The following TG variants were observed in gnomAD, a reference collection of about 807,000 sequenced individuals.
The protein encoded by TG is thyroglobulin, also known as thyroid hormones.
TG carries 270 observed loss-of-function variants against 324.7 expected under a neutral mutation model. The observed-to-expected ratio is 0.83, with a 90% CI of 0.75 to 0.92. The LOEUF is 0.92. Among genes scored for constraint, TG ranks in the 40% least tolerant of loss-of-function variants. The pLI is 0.00. For synonymous variants in TG, 1,401 were observed against 1,327.0 expected, an observed-to-expected ratio of 1.06 and a Z score of -1.21; for missense variants, 3,591 against 3,456.4, an observed-to-expected ratio of 1.04 and a Z score of -0.98.
At chr8:132,941,257 C>T in intron 25 of TG, 94 bp from the exon 26 acceptor site, 2 of 1,474,000 alleles carry the variant, frequency 1.4e-6, no homozygotes, top group Non-Finnish European at 1.9e-6. Context: ...ACTGTTGCAG[C>T]TAAGTCAACA....
At chr8:133,047,978 C>G in intron 41 of TG, 1 of 1,268,878 alleles carries the variant, frequency 7.9e-7, no homozygotes, top group East Asian at 2.3e-5. Context: ...ACAAGCCCTC[C>G]CCCAGGAAAG....
intron 41 of TG, among the ~76,000 whole-genome samples, chr8:133,031,624 T>A (rs1245221574): frequency 6.6e-6 from 1 of 152,192 alleles, no homozygotes; most frequent in East Asian, 1.9e-4. Context: ...CCCAACCTTT[T>A]AGGGATCCAA....
chr8:132,938,033 A>G (rs1468600100), intron 25 of TG, among the ~76,000 whole-genome samples: 3 of 151,714 alleles, frequency 2.0e-5, no homozygotes, highest in Admixed American at 1.3e-4. Flanking sequence ...CTGGCTTCCA[A>G]CTCCCGCCTC....
intron 18 of TG, among the ~76,000 whole-genome samples, chr8:132,910,217 G>A (rs1338746221): frequency 1.3e-5 from 2 of 152,160 alleles, no homozygotes; most frequent in African/African-American, 4.8e-5. Flanking sequence ...CTACATTCAG[G>A]CTTCATATGC....
chr8:132,983,549 C>A, intron 35 of TG, 137 bp downstream of exon 35: 1 of 898,342 alleles, frequency 1.1e-6, no homozygotes. Flanking sequence ...ATGAATTAAA[C>A]ACATGTATAA....
intron 47 of TG, 58 bp from the exon 48 acceptor site, chr8:133,134,618 C>T: frequency 6.9e-7 from 1 of 1,455,596 alleles, no homozygotes; most frequent in Non-Finnish European, 9.6e-7. Flanking sequence ...AAGGAAGGGA[C>T]CAGAGAAGAG....
At position 133,096,250 on chromosome 8, in the gene TG, C is replaced by T. The variant is rs115806626; in HGVS notation, c.7449C>T (p.Ile2483=). Reference sequence around the variant, plus strand: ...CTTTCCACTACTGGGGTCCTGTGATCGATGGCCACTTCCTCCGTGAGCCTC... The same window carrying T: ...CTTTCCACTACTGGGGTCCTGTGATTGATGGCCACTTCCTCCGTGAGCCTC... ...SGPFHYWGPV[I]DGHFLREPPA... The change falls in exon 43 of 48, where the codon ATC becomes ATT. Residue 2483 remains isoleucine (I), a synonymous_variant. Coordinates refer to ENST00000220616, the MANE Select transcript of TG (RefSeq NM_003235.5). 2.9e-4 allele frequency: 466 copies of T among 1,614,202 alleles called. 1 individual carries two copies. In the African/African-American group the frequency reaches 4.8e-3, roughly 17 times the overall value.
At chr8:132,983,068 G>C (rs903665202) in intron 34 of TG, among the ~76,000 whole-genome samples, 1 of 152,092 alleles carries the variant, frequency 6.6e-6, no homozygotes, top group Non-Finnish European at 1.5e-5. Flanking sequence ...TTTTCAGCTT[G>C]GTCCTTGAGA....
intron 25 of TG, 29 bp downstream of exon 25, chr8:132,935,893 C>T: frequency 1.9e-6 from 3 of 1,570,830 alleles, no homozygotes; most frequent in Non-Finnish European, 2.6e-6. Context: ...TTGGCTTAGG[C>T]CCGCGGTGGC....
At chr8:132,907,482 A>G (rs1005572798) in intron 17 of TG, among the ~76,000 whole-genome samples, 3 of 152,002 alleles carry the variant, frequency 2.0e-5, no homozygotes, top group Non-Finnish European at 2.9e-5. Flanking sequence ...CCACTCTGGG[A>G]CCTGGCACTT....
At chr8:132,904,691 T>C (rs1416239402) in intron 16 of TG, among the ~76,000 whole-genome samples, 2 of 152,066 alleles carry the variant, frequency 1.3e-5, no homozygotes, top group African/African-American at 2.4e-5. Flanking sequence ...AAAACCCCTT[T>C]CTAGCCGAAT....
In TG at chr8:132,941,437, T is replaced by A. The variant is rs1824426197; in HGVS notation, c.5128T>A (p.Phe1710Ile). The change falls in exon 26 of 48, where the codon TTC becomes ATC. Residue 1710 changes from phenylalanine (F) to isoleucine (I), a missense_variant. Phe to Ile is a conservative substitution (Grantham distance 21). Transcript: ENST00000220616. ...TTCTGGATTGTACAACCCCATTGTG[T>A]TCTCAGCCTCAGGAGCCAATCTAAC... ...MLSGLYNPIV[F>I]SASGANLTDA... 1 of 1,614,248 alleles carries A rather than the reference T, an allele frequency of 6.2e-7. No individual in the cohort carries two copies. The highest frequency in any genetic ancestry group is 1.3e-5 in the African/African-American group (1 of 75,068).
chr8:132,950,474 A>G (rs1825949642), intron 27 of TG, among the ~76,000 whole-genome samples: 1 of 152,142 alleles, frequency 6.6e-6, no homozygotes, highest in Non-Finnish European at 1.5e-5. Context: ...TATATCCTGC[A>G]TTTCTCAGGG....
chr8:132,879,944 G>T (rs1317501152), intron 5 of TG, among the ~76,000 whole-genome samples: 1 of 152,230 alleles, frequency 6.6e-6, no homozygotes, highest in Non-Finnish European at 1.5e-5. Context: ...AGCGAAGCAT[G>T]GAACTAGAGT....
intron 34 of TG, among the ~76,000 whole-genome samples, chr8:132,974,471 C>T (rs1829952327): frequency 6.6e-6 from 1 of 152,308 alleles, no homozygotes; most frequent in Admixed American, 6.5e-5. Flanking sequence ...GGTGAGAAGA[C>T]TGCAGCGTAG....
intron 45 of TG, among the ~76,000 whole-genome samples, chr8:133,118,115 A>G (rs1850845261): frequency 6.6e-6 from 1 of 152,056 alleles, no homozygotes; most frequent in African/African-American, 2.4e-5. Flanking sequence ...GGCCACCTCA[A>G]GATAGACTCC....
intron 35 of TG, among the ~76,000 whole-genome samples, chr8:132,999,144 G>A (rs72727479): frequency 1.8e-4 from 27 of 152,024 alleles, no homozygotes; most frequent in African/African-American, 5.5e-4. Flanking sequence ...ACAGGTTCAG[G>A]GGGTAGCAGT....
At chr8:132,869,376 A>G (rs1296057346) in intron 2 of TG, among the ~76,000 whole-genome samples, 2 of 151,722 alleles carry the variant, frequency 1.3e-5, no homozygotes, top group African/African-American at 2.4e-5. Flanking sequence ...CTCCCTATCC[A>G]TACAATGTGG....
chr8:132,923,509 G>A lies in TG; in HGVS notation c.4699+1G>A, dbSNP rs1351067198. 1 of 1,613,290 alleles carries A rather than the reference G, an allele frequency of 6.2e-7. No individual in the cohort carries two copies. Among genetic ancestry groups the A allele is most frequent in the African/African-American group, 1.3e-5 (1 of 75,002 alleles). On this transcript the variant is annotated splice_donor_variant, in intron 22 of 47. Coordinates refer to ENST00000220616, the MANE Select transcript of TG (RefSeq NM_003235.5). LOFTEE classifies it high-confidence loss of function. The stretch of plus-strand genomic sequence containing the variant: ...CCTCTTGAGGACTCACAGTGTTTGA[G>A]TAGGTGCTGGGGGTGAAATCAGTCA...
Sources: gnomAD v4.1 joint callset for allele counts (sites outside exome capture counted in the v4.1 genomes callset) on GRCh38, gnomAD v4.1.1 for gene constraint, MANE v1.5 for transcripts, NCBI Gene and HGNC (gene_info 2026-07-23, HGNC 2026-07-21) for gene names.